PAPLN: variants seen among roughly 807,000 people sequenced by gnomAD.
PAPLN encodes papilin, proteoglycan like sulfated glycoprotein.
PAPLN carries 146 observed loss-of-function variants against 159.0 expected under a neutral mutation model. That is an observed-to-expected ratio of 0.92 (90% confidence interval 0.80 to 1.05). PAPLN has a LOEUF of 1.05. Ranked by LOEUF, PAPLN falls within the 50% of genes least tolerant of loss-of-function variation. The probability of loss-of-function intolerance (pLI) is 0.00; values close to 1 mark genes in which losing one functional copy is unlikely to be tolerated. For missense variants in PAPLN, 1,720 were observed against 1,743.9 expected, an observed-to-expected ratio of 0.99 and a Z score of 0.24; for synonymous variants, 734 against 702.9, an observed-to-expected ratio of 1.04 and a Z score of -0.70.
chr14:73,254,003 T>A, intron 12 of PAPLN, 42 bp downstream of exon 12: 2 of 1,570,364 alleles, frequency 1.3e-6, no homozygotes, highest in South Asian at 2.3e-5. Context: ...TGGACCTGGG[T>A]AGCAGCAGGG....
chr14:73,246,284 G>C, intron 5 of PAPLN, 109 bp downstream of exon 5: 1 of 964,812 alleles, frequency 1.0e-6, no homozygotes, highest in Non-Finnish European at 1.4e-6. Context: ...ATATATTAGA[G>C]ACAGTCTCAC....
chr14:73,238,424 GT>G (rs969217790), intron 1 of PAPLN, among the ~76,000 whole-genome samples: 2 of 152,256 alleles, frequency 1.3e-5, no homozygotes, highest in Non-Finnish European at 2.9e-5. Flanking sequence ...TGAAGGGGTT[GT>G]TTGCCACCAA....
At position 73,245,632 on chromosome 14, in the gene PAPLN, G is replaced by T. The variant is rs1416398231; in HGVS notation, c.171-4G>T. The stretch of plus-strand genomic sequence containing the variant: ...CAGGTCTTCCCGGTGCTCTGGTCCC[G>T]CAGGAGAGATGGAGGCTCCAGCTGC... On this transcript the variant is annotated splice_polypyrimidine_tract_variant and splice_region_variant and intron_variant, in intron 3 of 26. Coordinates refer to ENST00000644200, the MANE Select transcript of PAPLN (RefSeq NM_001365906.3). The surrounding 1 kb of genome is among the most constrained non-coding windows in gnomAD (Gnocchi z 4.2). 1 of 1,557,618 alleles carries T rather than the reference G, an allele frequency of 6.4e-7. No individual in the cohort carries two copies. The highest frequency in any genetic ancestry group is 1.4e-5 in the African/African-American group (1 of 73,784).
chr14:73,253,836 G>A lies in PAPLN; in HGVS notation c.1177G>A (p.Asp393Asn). The part of the protein sequence containing the change: ...QSRSVYCISS[D>N]GAGIQEAVEE... Reference sequence around the variant, plus strand: ...CCGCTCCGTGTACTGCATCTCGTCTGACGGGGCCGGCATCCAGGAGGCCGT... The same window carrying A: ...CCGCTCCGTGTACTGCATCTCGTCTAACGGGGCCGGCATCCAGGAGGCCGT... The change falls in exon 12 of 27, where the codon GAC becomes AAC. Residue 393 changes from aspartate to asparagine, a missense_variant. Physicochemically the swap from Asp to Asn is conservative, Grantham distance 23. Transcript: ENST00000644200. 1 of 1,613,726 alleles carries A rather than the reference G, an allele frequency of 6.2e-7. No homozygotes were observed. Among genetic ancestry groups the A allele is most frequent in the Non-Finnish European group, 8.5e-7 (1 of 1,179,964 alleles).
chr14:73,242,932 G>A (rs975998078), intron 2 of PAPLN: 3 of 152,204 alleles, frequency 2.0e-5, no homozygotes, highest in Admixed American at 6.5e-5. Flanking sequence ...ATGAGTAAAC[G>A]TCCTTCCTCA....
At position 73,250,099 on chromosome 14, in the gene PAPLN, G is replaced by A; in HGVS notation, c.450G>A (p.Val150=). ...PCEPGKRDVC[V]DGSCRVVGCD... ...AGCCTGGCAAGAGGGATGTCTGTGT[G>A]GATGGCAGCTGCCGGGTGAGTGGTG... Residue 150 remains valine (V), a synonymous_variant, in exon 6 of 27, where the codon GTG becomes GTA. Transcript: ENST00000644200. 1 of 1,610,368 alleles carries A rather than the reference G, an allele frequency of 6.2e-7. No individual in the cohort carries two copies. The highest frequency in any genetic ancestry group is 1.1e-5 in the South Asian group (1 of 90,176).
At chr14:73,238,314 G>C (rs1306967990) in intron 1 of PAPLN, among the ~76,000 whole-genome samples, 1 of 152,244 alleles carries the variant, frequency 6.6e-6, no homozygotes, top group East Asian at 1.9e-4. Context: ...CACCCTGCGT[G>C]CCCGGGGCCA....
rs780088997 is a variant in PAPLN, at chr14:73,272,503, G to A, written c.3676G>A (p.Ala1226Thr). 3 of 1,543,032 alleles carry A rather than the reference G, an allele frequency of 1.9e-6. No homozygotes were observed. The highest frequency in any genetic ancestry group is 1.8e-5 in the Admixed American group (1 of 55,430). Residue 1226 changes from alanine to threonine, a missense_variant, in exon 27 of 27, where the codon GCC becomes ACC. Coordinates refer to ENST00000644200, the MANE Select transcript of PAPLN (RefSeq NM_001365906.3). ...CCCCTGTCGTTCTGCAGCACCCACC[G>A]CCCAGCCCAGGGACCCTGGCAGGGA... The part of the protein sequence containing the change: ...EVKVVSPAPT[A>T]QPRDPGRDCV...
At chr14:73,267,575 A>G (rs144450869) in intron 25 of PAPLN, among the ~76,000 whole-genome samples, 2 of 152,372 alleles carry the variant, frequency 1.3e-5, no homozygotes, top group East Asian at 3.9e-4. Flanking sequence ...TGGTAGAGGA[A>G]GCAGCAAGTG....
intron 2 of PAPLN, chr14:73,242,964 T>A (rs1003178381): frequency 3.3e-5 from 5 of 152,286 alleles, no homozygotes; most frequent in African/African-American, 1.2e-4. Context: ...GCGAAGCTGC[T>A]CAGGGGTCAC....
chr14:73,245,657 C>G lies in PAPLN; in HGVS notation c.192C>G (p.Cys64Trp), dbSNP rs1884160584. 1 of 1,558,946 alleles carries G rather than the reference C, an allele frequency of 6.4e-7. No individual in the cohort carries two copies. Among genetic ancestry groups the G allele is most frequent in the African/African-American group, 1.4e-5 (1 of 73,738 alleles). ...YSQRRDGGSS[C>W]VGPARSHRSC... ...GCAGGAGAGATGGAGGCTCCAGCTG[C>G]GTGGGCCCCGCCCGGAGCCACCGCT... The change falls in exon 4 of 27, where the codon TGC becomes TGG. Residue 64 changes from cysteine to tryptophan, a missense_variant. Coordinates refer to ENST00000644200, the MANE Select transcript of PAPLN (RefSeq NM_001365906.3). The surrounding 1 kb of genome is among the most constrained non-coding windows in gnomAD (Gnocchi z 4.2).
At position 73,244,672 on chromosome 14, in the gene PAPLN, C is replaced by T. The variant is rs928964897; in HGVS notation, c.83C>T (p.Thr28Ile). The change falls in exon 3 of 27, where the codon ACC (threonine) becomes ATC (isoleucine). Residue 28 changes from threonine (T) to isoleucine (I), a missense_variant. Coordinates refer to ENST00000644200, the MANE Select transcript of PAPLN (RefSeq NM_001365906.3). ...CCCAAGGTGAGGCGGCAGAGTGACA[C>T]CTGGGGACCCTGGAGCCAGTGGAGC... ...SAPKVRRQSD[T>I]WGPWSQWSPC... The T allele has an allele frequency of 9.4e-6, 15 of 1,593,834 alleles. No homozygotes were observed. Among genetic ancestry groups the T allele is most frequent in the Non-Finnish European group, 1.2e-5 (14 of 1,171,052 alleles).
rs376726852 is a variant in PAPLN, at chr14:73,246,155, G to C, written c.314G>C (p.Arg105Pro). Residue 105 changes from arginine (R) to proline (P), a missense_variant, in exon 5 of 27, where the codon CGG becomes CCG. Arg to Pro is a moderately radical substitution (Grantham distance 103). Coordinates refer to ENST00000644200, the MANE Select transcript of PAPLN (RefSeq NM_001365906.3). ...GCGGAGTTCCAGGGGCGGCGGTATCGGTGGCTGCCCTACTACAGCGGTGAG... is the reference window on the plus strand; with the variant it reads ...GCGGAGTTCCAGGGGCGGCGGTATCCGTGGCTGCCCTACTACAGCGGTGAG... Reference protein sequence around the residue: ...DGAEFQGRRYRWLPYYSAPNK... With the variant: ...DGAEFQGRRYPWLPYYSAPNK... The C allele has an allele frequency of 6.3e-7, 1 of 1,589,786 alleles. No homozygotes were observed. Among genetic ancestry groups the C allele is most frequent in the Admixed American group, 1.8e-5 (1 of 56,434 alleles).
chr14:73,268,577 C>T lies in PAPLN; in HGVS notation c.3521C>T (p.Ala1174Val). Residue 1174 changes from alanine to valine, a missense_variant, in exon 26 of 27, where the codon GCT becomes GTT. Coordinates refer to ENST00000644200, the MANE Select transcript of PAPLN (RefSeq NM_001365906.3). ...RWSRNGLPVQ[A>V]DGHRVHQSPD... is the part of the protein sequence containing the mutation. ...TCCAGGAACGGGCTACCTGTGCAGG[C>T]TGATGGCCACCGTGTCCACCAGTCC... 6.2e-7 allele frequency: 1 copy of T among 1,613,198 alleles called. No individual in the cohort carries two copies.
chr14:73,265,339 C>T lies in PAPLN; in HGVS notation c.3126-31C>T, dbSNP rs766346179. The T allele has an allele frequency of 9.4e-6, 15 of 1,599,306 alleles. No homozygotes were observed. The South Asian group carries it at 1.3e-4, about 14-fold the overall frequency. On this transcript the variant is annotated intron_variant, in intron 22 of 26. Transcript: ENST00000644200. The surrounding 1 kb of genome is among the most constrained non-coding windows in gnomAD (Gnocchi z 4.1). ...GAGTAGGCGGGGGCAACGGCAAGGG[C>T]CCCTCATGCTGTGGGCTGCTTGTTT...
At chr14:73,253,098 G>A in intron 11 of PAPLN, 1 of 1,392,186 alleles carries the variant, frequency 7.2e-7, no homozygotes, top group Non-Finnish European at 9.6e-7. Context: ...ATGCCAAGGG[G>A]TGGGCCAGGG....
At chr14:73,241,549 G>A (rs1431051285) in intron 2 of PAPLN, among the ~76,000 whole-genome samples, 4 of 152,328 alleles carry the variant, frequency 2.6e-5, no homozygotes, top group South Asian at 2.1e-4. Context: ...TTAAGGCCAC[G>A]CTGAGTAGCC....
In PAPLN at chr14:73,265,525, C is replaced by A; in HGVS notation, c.3263+18C>A. ...TCTCCCAGGTTTATTTGACTCCTCT[C>A]CCCTTCCTCCTATTCTGCCTCCAGC... On this transcript the variant is annotated intron_variant, in intron 23 of 26. Transcript: ENST00000644200. This position sits in a 1 kb window ranked among gnomAD's most constrained non-coding sequence, Gnocchi z 4.1. 1 of 1,611,514 alleles carries A rather than the reference C, an allele frequency of 6.2e-7. No homozygotes were observed. The highest frequency in any genetic ancestry group is 8.5e-7 in the Non-Finnish European group (1 of 1,178,698).
In PAPLN at chr14:73,253,211, G is replaced by A. The variant is rs115677818; in HGVS notation, c.1094+436G>A. 493 of 1,359,660 alleles carry A rather than the reference G, an allele frequency of 3.6e-4. No individual in the cohort carries two copies. The African/African-American group carries it at 4.8e-3, about 13-fold the overall frequency. 84.2% of individuals were successfully genotyped at this position (1,359,660 alleles called of 1,614,324 possible). On this transcript the variant is annotated intron_variant, in intron 11 of 26. Coordinates refer to ENST00000644200, the MANE Select transcript of PAPLN (RefSeq NM_001365906.3). Reference sequence around the variant, plus strand: ...GCGTGGCGCCTTGCTGGGGCCCAGCGAGTGTGTGGGAACAGGTAACCTGCA... The same window carrying A: ...GCGTGGCGCCTTGCTGGGGCCCAGCAAGTGTGTGGGAACAGGTAACCTGCA...
Sources: gnomAD v4.1 joint callset for allele counts (sites outside exome capture counted in the v4.1 genomes callset) on GRCh38, gnomAD v4.1.1 for gene constraint, Gnocchi (gnomAD v3.1) non-coding constraint, MANE v1.5 for transcripts, NCBI Gene and HGNC (gene_info 2026-07-23, HGNC 2026-07-21) for gene names.